The following TESK2 variants were observed in gnomAD, a reference collection of about 807,000 sequenced individuals.
TESK2 encodes the protein dual specificity testis-specific protein kinase 2.
In TESK2, 39 loss-of-function variants were observed where a neutral mutation model predicts 57.1. That is an observed-to-expected ratio of 0.68 (90% CI 0.53 to 0.89). TESK2 has a LOEUF of 0.89. Ranked by LOEUF, TESK2 falls within the 40% of genes least tolerant of loss-of-function variation. The pLI, the probability that TESK2 is intolerant of heterozygous loss-of-function variation, is 0.00. For missense variants in TESK2, 646 were observed against 732.1 expected, an observed-to-expected ratio of 0.88 and a Z score of 1.36; for synonymous variants, 249 against 267.9, an observed-to-expected ratio of 0.93 and a Z score of 0.69.
intron 3 of TESK2, among the ~76,000 whole-genome samples, chr1:45,417,253 G>A (rs1650280397): frequency 6.6e-6 from 1 of 151,374 alleles, no homozygotes; most frequent in Non-Finnish European, 1.5e-5. Context: ...TGTTTTTTGA[G>A]ACAGTTTCGC....
chr1:45,489,780 A>C lies in TESK2; in HGVS notation c.-87+1072T>G, dbSNP rs1053463804. On this transcript the variant is annotated intron_variant, in intron 1 of 10. Coordinates refer to ENST00000372086, the MANE Select transcript of TESK2 (RefSeq NM_007170.3). ...ACTCCAGCCTGGGTGACAGAATGAGACTCCGTCAAAAAAAACAAAAACTAA... is the reference window on the plus strand; with the variant it reads ...ACTCCAGCCTGGGTGACAGAATGAGCCTCCGTCAAAAAAAACAAAAACTAA... Among the ~76,000 whole-genome samples, 3 of 152,196 alleles carry C rather than the reference A, an allele frequency of 2.0e-5. No individual in the cohort carries two copies. The East Asian group carries it at 5.8e-4, about 29-fold the overall frequency.
chr1:45,444,252 A>T (rs1651562467), intron 2 of TESK2, among the ~76,000 whole-genome samples: 1 of 152,102 alleles, frequency 6.6e-6, no homozygotes, highest in African/African-American at 2.4e-5. Flanking sequence ...ATGTGTTCCA[A>T]TAAAACTTTA....
chr1:45,362,717 C>G (rs1207573379), intron 4 of TESK2, among the ~76,000 whole-genome samples: 1 of 152,142 alleles, frequency 6.6e-6, no homozygotes, highest in African/African-American at 2.4e-5. Flanking sequence ...TAATTTGCTA[C>G]CATCTAATTA....
intron 3 of TESK2, among the ~76,000 whole-genome samples, chr1:45,395,465 G>A (rs957054839): frequency 1.7e-4 from 26 of 152,058 alleles, no homozygotes; most frequent in East Asian, 3.9e-4. Context: ...TCATGTATGC[G>A]GTCTGTTGTT....
chr1:45,375,805 T>C (rs560367118), intron 4 of TESK2, among the ~76,000 whole-genome samples: 13 of 152,338 alleles, frequency 8.5e-5, no homozygotes, highest in Admixed American at 2.0e-4. Flanking sequence ...TTGTTCATTA[T>C]TGTATTCCCA....
At chr1:45,415,125 A>G in intron 3 of TESK2, 1 of 1,481,610 alleles carries the variant, frequency 6.7e-7, no homozygotes, top group Non-Finnish European at 9.4e-7. Context: ...GACAACAGAA[A>G]ACTTTTGTGC....
chr1:45,425,719 A>C (rs1441856640), intron 2 of TESK2, among the ~76,000 whole-genome samples: 1 of 152,142 alleles, frequency 6.6e-6, no homozygotes, highest in Non-Finnish European at 1.5e-5. Context: ...CTAAAGATAC[A>C]AAAAAATGGA....
intron 2 of TESK2, among the ~76,000 whole-genome samples, chr1:45,439,964 CTT>C (rs532183676): frequency 6.9e-5 from 10 of 144,468 alleles, no homozygotes; most frequent in Admixed American, 6.9e-5. Context: ...CCCACTGCCA[CTT>C]TTTTTTTTTT....
At chr1:45,458,717 AATTATAT>A (rs960870512) in intron 1 of TESK2, among the ~76,000 whole-genome samples, 1 of 151,880 alleles carries the variant, frequency 6.6e-6, no homozygotes, top group Non-Finnish European at 1.5e-5. Context: ...GAGACTTCAA[AATTATAT>A]ATTATATAAT....
At chr1:45,394,163 C>T (rs1000047057) in intron 3 of TESK2, among the ~76,000 whole-genome samples, 4 of 150,840 alleles carry the variant, frequency 2.7e-5, no homozygotes, top group African/African-American at 9.8e-5. Context: ...TTTTTTGAGA[C>T]AAGGTCTTGC....
At chr1:45,474,799 A>G (rs1458380935) in intron 1 of TESK2, among the ~76,000 whole-genome samples, 4 of 149,030 alleles carry the variant, frequency 2.7e-5, no homozygotes, top group Non-Finnish European at 5.9e-5. Context: ...TTTTTTTTTT[A>G]ATGCAGTTTC....
intron 1 of TESK2, among the ~76,000 whole-genome samples, chr1:45,465,655 G>A (rs781204521): frequency 2.6e-5 from 4 of 152,178 alleles, no homozygotes; most frequent in Non-Finnish European, 4.4e-5. Flanking sequence ...CACTTTTCAA[G>A]AGGGGTAAAT....
chr1:45,406,756 A>C (rs1649865858), intron 3 of TESK2, among the ~76,000 whole-genome samples: 1 of 152,218 alleles, frequency 6.6e-6, no homozygotes. Flanking sequence ...AGATGATTGC[A>C]ATAGCCTCCT....
chr1:45,481,537 C>T (rs1189855804), intron 1 of TESK2, among the ~76,000 whole-genome samples: 1 of 152,062 alleles, frequency 6.6e-6, no homozygotes, highest in Non-Finnish European at 1.5e-5. Flanking sequence ...GTGATCATAG[C>T]ACACTATGGC....
intron 1 of TESK2, among the ~76,000 whole-genome samples, chr1:45,479,813 CTTTTTTTT>C (rs35869444): frequency 2.9e-5 from 2 of 68,530 alleles, no homozygotes; most frequent in Admixed American, 2.2e-4. Flanking sequence ...GAAGGCCCTT[CTTTTTTTT>C]TTTTTTTTTT....
intron 5 of TESK2, among the ~76,000 whole-genome samples, chr1:45,348,294 T>A (rs1647176332): frequency 6.6e-6 from 1 of 152,226 alleles, no homozygotes; most frequent in African/African-American, 2.4e-5. Context: ...AATAGCTAGA[T>A]GAAAACAACC....
At chr1:45,387,854 A>T (rs1648965099) in intron 3 of TESK2, among the ~76,000 whole-genome samples, 1 of 152,166 alleles carries the variant, frequency 6.6e-6, no homozygotes, top group African/African-American at 2.4e-5. Flanking sequence ...TAAAAATACA[A>T]AAGTTAGCTG....
At chr1:45,489,622 T>C (rs571612998) in intron 1 of TESK2, among the ~76,000 whole-genome samples, 1 of 152,288 alleles carries the variant, frequency 6.6e-6, no homozygotes, top group South Asian at 2.1e-4. Context: ...AAACCCCGTC[T>C]CTACTAAAAG....
intron 4 of TESK2, among the ~76,000 whole-genome samples, chr1:45,381,198 C>T (rs984189445): frequency 5.9e-5 from 9 of 152,188 alleles, no homozygotes; most frequent in Non-Finnish European, 1.2e-4. Context: ...ATTCTTTACT[C>T]TCCAATGGGG....
Sources: gnomAD v4.1 joint callset for allele counts (sites outside exome capture counted in the v4.1 genomes callset) on GRCh38, gnomAD v4.1.1 for gene constraint, MANE v1.5 for transcripts, NCBI Gene and HGNC (gene_info 2026-07-23, HGNC 2026-07-21) for gene names.